Variants in NDUFAF2 observed in about 807,000 individuals in gnomAD.
The protein encoded by NDUFAF2 is NADH:ubiquinone oxidoreductase complex assembly factor 2, also known as NADH dehydrogenase [ubiquinone] 1 alpha subcomplex assembly factor 2.
A neutral mutation model predicts 22.8 loss-of-function variants in NDUFAF2; 13 were observed. That is an observed-to-expected ratio of 0.57 (90% CI 0.37 to 0.91). The LOEUF is 0.91. Among genes scored for constraint, NDUFAF2 ranks in the 40% least tolerant of loss-of-function variants. NDUFAF2 has a pLI of 0.01. For missense variants in NDUFAF2, 162 were observed against 195.2 expected, an observed-to-expected ratio of 0.83 and a Z score of 1.01; for synonymous variants, 53 against 64.2, an observed-to-expected ratio of 0.83 and a Z score of 0.84.
At chr5:61,102,658 A>G (rs757739201) in intron 3 of NDUFAF2, among the ~76,000 whole-genome samples, 2 of 152,166 alleles carry the variant, frequency 1.3e-5, no homozygotes, top group Non-Finnish European at 2.9e-5. Context: ...AATCAGATTT[A>G]ATCAGAATTA....
intron 1 of NDUFAF2, among the ~76,000 whole-genome samples, chr5:61,004,791 G>A (rs1464541859): frequency 1.3e-5 from 2 of 151,986 alleles, no homozygotes; most frequent in Admixed American, 6.6e-5. Flanking sequence ...GAGATAAAGT[G>A]AATTACTCAT....
chr5:60,989,261 A>G (rs1751125256), intron 1 of NDUFAF2, among the ~76,000 whole-genome samples: 1 of 152,174 alleles, frequency 6.6e-6, no homozygotes, highest in African/African-American at 2.4e-5. Flanking sequence ...AAAAAATTAC[A>G]GATGCTGGAG....
chr5:61,033,722 C>T (rs1751757372), intron 1 of NDUFAF2, among the ~76,000 whole-genome samples: 1 of 151,874 alleles, frequency 6.6e-6, no homozygotes, highest in African/African-American at 2.4e-5. Flanking sequence ...TGTTTTGGTT[C>T]AAATATATTT....
chr5:61,012,521 C>G (rs1247652401), intron 1 of NDUFAF2, among the ~76,000 whole-genome samples: 1 of 151,826 alleles, frequency 6.6e-6, no homozygotes, highest in East Asian at 1.9e-4. Context: ...TTTCCTTTTC[C>G]AATCTAGTAC....
chr5:61,033,612 A>G (rs1487998550), intron 1 of NDUFAF2, among the ~76,000 whole-genome samples: 1 of 152,198 alleles, frequency 6.6e-6, no homozygotes, highest in Non-Finnish European at 1.5e-5. Flanking sequence ...ATGTATACAT[A>G]CAAATTCATT....
At chr5:61,001,972 A>G (rs1292785505) in intron 1 of NDUFAF2, among the ~76,000 whole-genome samples, 2 of 152,124 alleles carry the variant, frequency 1.3e-5, no homozygotes, top group African/African-American at 4.8e-5. Context: ...GAGTTGAGAA[A>G]GAGAGGAAAG....
intron 3 of NDUFAF2, chr5:61,115,237 T>A (rs1351566431): frequency 6.6e-6 from 1 of 152,478 alleles, no homozygotes; most frequent in Non-Finnish European, 1.5e-5. Context: ...CTGATGTTTA[T>A]TTAAGGCCCA....
intron 1 of NDUFAF2, among the ~76,000 whole-genome samples, chr5:60,966,076 G>A (rs1413577816): frequency 6.6e-6 from 1 of 152,068 alleles, no homozygotes; most frequent in Non-Finnish European, 1.5e-5. Context: ...TAGGTGCGAA[G>A]GTATGTCTTG....
intron 1 of NDUFAF2, among the ~76,000 whole-genome samples, chr5:61,064,198 C>T (rs978002090): frequency 3.3e-5 from 5 of 151,982 alleles, no homozygotes; most frequent in African/African-American, 1.2e-4. Flanking sequence ...AGGACATAAC[C>T]ATTGTAAATC....
chr5:61,061,110 G>A (rs1202233748), intron 1 of NDUFAF2, among the ~76,000 whole-genome samples: 1 of 152,116 alleles, frequency 6.6e-6, no homozygotes, highest in Admixed American at 6.6e-5. Context: ...TTTGTAAGTA[G>A]TAATATTAGA....
intron 1 of NDUFAF2, among the ~76,000 whole-genome samples, chr5:61,004,811 C>T (rs1310205517): frequency 6.6e-6 from 1 of 151,938 alleles, no homozygotes; most frequent in Admixed American, 6.6e-5. Flanking sequence ...TAGCATTGAC[C>T]CAAAATAGTC....
At chr5:61,136,569 T>A (rs946008769) in intron 3 of NDUFAF2, among the ~76,000 whole-genome samples, 7 of 152,218 alleles carry the variant, frequency 4.6e-5, no homozygotes, top group African/African-American at 1.4e-4. Flanking sequence ...CTTCCCCTTG[T>A]GGCTTCTTTA....
At chr5:61,137,646 GA>G (rs1740983700) in intron 3 of NDUFAF2, among the ~76,000 whole-genome samples, 1 of 152,184 alleles carries the variant, frequency 6.6e-6, no homozygotes, top group South Asian at 2.1e-4. Context: ...TGTGTTTAAA[GA>G]ACAAAGAAGC....
At chr5:61,072,916 G>T (rs577512786) in intron 1 of NDUFAF2, among the ~76,000 whole-genome samples, 12 of 152,132 alleles carry the variant, frequency 7.9e-5, no homozygotes, top group Non-Finnish European at 1.6e-4. Context: ...TTTAATTTTT[G>T]TAGGCTGTGG....
intron 1 of NDUFAF2, among the ~76,000 whole-genome samples, chr5:60,967,937 T>C (rs1240906502): frequency 6.6e-6 from 1 of 151,374 alleles, no homozygotes; most frequent in Non-Finnish European, 1.5e-5. Flanking sequence ...TCTTTAAATG[T>C]TTGGTAGAAT....
intron 1 of NDUFAF2, among the ~76,000 whole-genome samples, chr5:60,966,561 C>T (rs946299734): frequency 4.6e-5 from 7 of 152,072 alleles, no homozygotes; most frequent in Non-Finnish European, 7.4e-5. Flanking sequence ...GGTCTAATTT[C>T]ATTCTTTTGC....
In NDUFAF2 at chr5:60,987,864, A is replaced by G. The variant is rs549028546; in HGVS notation, c.127+42482A>G. Among the ~76,000 whole-genome samples, 9 of 152,306 alleles carry G rather than the reference A, an allele frequency of 5.9e-5. No individual in the cohort carries two copies. In the South Asian group the frequency reaches 1.7e-3, roughly 28 times the overall value. On this transcript the variant is annotated intron_variant, in intron 1 of 3. Coordinates refer to ENST00000296597, the MANE Select transcript of NDUFAF2 (RefSeq NM_174889.5). The stretch of plus-strand genomic sequence containing the variant: ...GAAGCATTCTTCTTGAAAACTGGCA[A>G]AAGACCAGAATGCCCTCTCCTACCA...
intron 3 of NDUFAF2, among the ~76,000 whole-genome samples, chr5:61,131,988 C>G (rs986093743): frequency 9.9e-5 from 15 of 151,998 alleles, no homozygotes; most frequent in Non-Finnish European, 1.6e-4. Flanking sequence ...TCTGAAGGAG[C>G]TTTTAAAAGT....
chr5:61,088,164 T>C (rs535018545), intron 2 of NDUFAF2, among the ~76,000 whole-genome samples: 1 of 152,236 alleles, frequency 6.6e-6, no homozygotes, highest in African/African-American at 2.4e-5. Flanking sequence ...TAGAGGTCAC[T>C]GGCAATTTCT....
Sources: gnomAD v4.1 joint callset for allele counts (sites outside exome capture counted in the v4.1 genomes callset) on GRCh38, gnomAD v4.1.1 for gene constraint, MANE v1.5 for transcripts, NCBI Gene and HGNC (gene_info 2026-07-23, HGNC 2026-07-21) for gene names.